ITGA1: variants seen among roughly 807,000 people sequenced by gnomAD.
ITGA1 encodes integrin subunit alpha 1.
ITGA1 carries 85 observed loss-of-function variants against 145.9 expected under a neutral mutation model. The observed-to-expected ratio is 0.58, with a 90% CI of 0.49 to 0.70. The LOEUF (loss-of-function observed/expected upper bound fraction) is 0.70, where lower values mean the gene tolerates loss of function less well. Ranked by LOEUF, ITGA1 falls within the 30% of genes least tolerant of loss-of-function variation. The pLI is 0.00. For synonymous variants in ITGA1, 520 were observed against 495.3 expected (o/e 1.05, Z -0.66); for missense variants, 1,351 against 1,418.7 (o/e 0.95, Z 0.77).
chr5:52,850,711 T>A (rs1039836891), intron 2 of ITGA1, among the ~76,000 whole-genome samples: 3 of 152,216 alleles, frequency 2.0e-5, no homozygotes, highest in Non-Finnish European at 4.4e-5. Context: ...CTAGAATTTG[T>A]TGAGATACTT....
chr5:52,799,261 C>G (rs955124982), intron 1 of ITGA1, among the ~76,000 whole-genome samples: 3 of 152,190 alleles, frequency 2.0e-5, no homozygotes, highest in Non-Finnish European at 2.9e-5. Flanking sequence ...TGCTAAGTAA[C>G]TTAAGGATTT....
intron 18 of ITGA1, among the ~76,000 whole-genome samples, chr5:52,924,610 C>A (rs568592726): frequency 6.6e-6 from 1 of 152,126 alleles, no homozygotes; most frequent in African/African-American, 2.4e-5. Context: ...TTCAGCCACA[C>A]GACAGGATGC....
In ITGA1 at chr5:52,920,484, A is replaced by G. The variant is rs200664216; in HGVS notation, c.2292+16A>G. 14 of 1,580,776 alleles carry G rather than the reference A, an allele frequency of 8.9e-6. No individual in the cohort carries two copies. The Admixed American group carries it at 1.7e-4, about 19-fold the overall frequency. On this transcript the variant is annotated intron_variant, in intron 17 of 28. Transcript: ENST00000282588. ...CTACATGTTGGCAAGTAAATCATAT[A>G]TCGTTGCTGCCTTATTCCAAATCAA...
rs149540054 is a variant in ITGA1 at position 52,937,425 on chromosome 5, A to G, written c.2989A>G (p.Met997Val). Residue 997 changes from methionine to valine, a missense_variant, in exon 24 of 29, where the codon ATG becomes GTG. Transcript: ENST00000282588. ...YLIRKSGSFPMPELKLSISFP... is the reference protein window; with the variant it reads ...YLIRKSGSFPVPELKLSISFP... ...GATTAGAAAAAGTGGATCTTTTCCAATGCCAGAGCTTAAGCTGTCAATTTC... is the reference window on the plus strand; with the variant it reads ...GATTAGAAAAAGTGGATCTTTTCCAGTGCCAGAGCTTAAGCTGTCAATTTC... 14 of 1,612,710 alleles carry G rather than the reference A, an allele frequency of 8.7e-6. No individual in the cohort carries two copies. The highest frequency in any genetic ancestry group is 1.7e-5 in the Admixed American group (1 of 60,002).
intron 1 of ITGA1, among the ~76,000 whole-genome samples, chr5:52,814,249 C>T (rs922570375): frequency 2.0e-5 from 3 of 152,180 alleles, no homozygotes; most frequent in Non-Finnish European, 4.4e-5. Flanking sequence ...TGGGTTCAAG[C>T]GATTCTTGTT....
At chr5:52,805,585 A>T (rs926414358) in intron 1 of ITGA1, among the ~76,000 whole-genome samples, 2 of 152,102 alleles carry the variant, frequency 1.3e-5, no homozygotes, top group African/African-American at 4.8e-5. Context: ...AGAGATGATG[A>T]CACAAAATGT....
rs1215923524 is a variant in ITGA1, at chr5:52,958,420, A to C, written c.*5969A>C. The C allele has an allele frequency of 6.6e-6, 1 of 151,926 alleles. No individual in the cohort carries two copies. The highest frequency in any genetic ancestry group is 1.5e-5 in the Non-Finnish European group (1 of 67,978). 9.4% of individuals were successfully genotyped at this position (151,926 alleles called of 1,614,324 possible). On this transcript the variant is annotated 3_prime_UTR_variant, in exon 29 of 29. Coordinates refer to ENST00000282588, the MANE Select transcript of ITGA1 (RefSeq NM_181501.2). ...AAACTATATTCTTATGTGTAGATTA[A>C]CCAAGGCTAATTTCCTGGAGTTTAA... is the stretch of plus-strand genomic sequence containing the variant.
intron 17 of ITGA1, among the ~76,000 whole-genome samples, chr5:52,922,566 T>C (rs1561250449): frequency 6.6e-6 from 1 of 152,138 alleles, no homozygotes; most frequent in Non-Finnish European, 1.5e-5. Context: ...CAACAGGTCA[T>C]ACTCTGAAAC....
chr5:52,863,001 A>G (rs1333395082), intron 3 of ITGA1, among the ~76,000 whole-genome samples: 1 of 152,030 alleles, frequency 6.6e-6, no homozygotes, highest in Non-Finnish European at 1.5e-5. Context: ...CTTTCCATTT[A>G]TTACCTTTCC....
intron 15 of ITGA1, among the ~76,000 whole-genome samples, 198 bp downstream of exon 15, chr5:52,915,792 T>G (rs1263844509): frequency 6.6e-6 from 1 of 152,198 alleles, no homozygotes; most frequent in Non-Finnish European, 1.5e-5. Flanking sequence ...ACAAGTAGAA[T>G]GAACTCTTAA....
At chr5:52,910,962 T>C (rs924236607) in intron 14 of ITGA1, among the ~76,000 whole-genome samples, 2 of 134,004 alleles carry the variant, frequency 1.5e-5, no homozygotes, top group Non-Finnish European at 3.1e-5. Context: ...GTATATACAC[T>C]ATATATACTA....
chr5:52,812,437 A>G (rs1156677341), intron 1 of ITGA1, among the ~76,000 whole-genome samples: 2 of 152,222 alleles, frequency 1.3e-5, no homozygotes, highest in Non-Finnish European at 2.9e-5. Flanking sequence ...TGTTACAGAA[A>G]TTAAAAGCTA....
intron 6 of ITGA1, among the ~76,000 whole-genome samples, chr5:52,871,843 A>C (rs1486500034): frequency 1.3e-5 from 2 of 152,222 alleles, no homozygotes; most frequent in African/African-American, 4.8e-5. Context: ...AGTAAAGGCT[A>C]TAAAATTGCC....
intron 9 of ITGA1, among the ~76,000 whole-genome samples, chr5:52,894,116 G>A (rs1750191601): frequency 6.6e-6 from 1 of 152,014 alleles, no homozygotes; most frequent in Non-Finnish European, 1.5e-5. Flanking sequence ...AGATGTGCCA[G>A]GACAAAAATG....
At chr5:52,812,212 A>G (rs955350450) in intron 1 of ITGA1, among the ~76,000 whole-genome samples, 1 of 152,182 alleles carries the variant, frequency 6.6e-6, no homozygotes, top group African/African-American at 2.4e-5. Flanking sequence ...CTATACATTT[A>G]TGTATTTTTA....
At chr5:52,801,633 C>T (rs1279144387) in intron 1 of ITGA1, 1 of 1,613,962 alleles carries the variant, frequency 6.2e-7, no homozygotes, top group East Asian at 2.2e-5. Context: ...GCGATGAGCT[C>T]TTCAGGCATC....
intron 1 of ITGA1, among the ~76,000 whole-genome samples, chr5:52,791,715 A>G (rs1748245243): frequency 6.7e-6 from 1 of 149,390 alleles, no homozygotes; most frequent in Non-Finnish European, 1.5e-5. Flanking sequence ...ACAAGCAGTC[A>G]CAGATTTCTT....
At chr5:52,789,752 G>C (rs1748203243) in intron 1 of ITGA1, among the ~76,000 whole-genome samples, 2 of 152,016 alleles carry the variant, frequency 1.3e-5, no homozygotes. Context: ...TGTTGTTTTT[G>C]TGCAAAATCT....
At position 52,929,657 on chromosome 5, in the gene ITGA1, A is replaced by G; in HGVS notation, c.2727A>G (p.Thr909=). The change falls in exon 21 of 29, where the codon ACA becomes ACG. Residue 909 remains threonine, a synonymous_variant. Transcript: ENST00000282588. The part of the protein sequence containing the change: ...VTFKILFQFN[T]SYLMENVTIY... ...TCAAAATATTGTTTCAGTTTAACACATCCTATCTCATGGAAAATGTGACCA... is the reference window on the plus strand; with the variant it reads ...TCAAAATATTGTTTCAGTTTAACACGTCCTATCTCATGGAAAATGTGACCA... 6.3e-7 allele frequency: 1 copy of G among 1,591,640 alleles called. No homozygotes were observed. The highest frequency in any genetic ancestry group is 8.6e-7 in the Non-Finnish European group (1 of 1,162,484).
Sources: allele counts gnomAD v4.1 joint callset (sites outside exome capture counted in the v4.1 genomes callset), GRCh38; gene constraint gnomAD v4.1.1; transcripts MANE v1.5; gene names NCBI Gene and HGNC (gene_info 2026-07-23, HGNC 2026-07-21).